The following FHIT variants were observed in gnomAD, a reference collection of about 807,000 sequenced individuals.
FHIT encodes bis(5'-adenosyl)-triphosphatase.
FHIT carries 19 observed loss-of-function variants against 17.9 expected under a neutral mutation model. The ratio of observed to expected loss-of-function variants is 1.06; its 90% CI spans 0.74 to 1.56. The LOEUF is 1.56. Among genes scored for constraint, FHIT ranks in the 40% most tolerant of loss-of-function variants. The pLI, the probability that FHIT is intolerant of heterozygous loss-of-function variation, is 0.00. For missense variants in FHIT, 248 were observed against 189.2 expected (o/e 1.31, Z -1.82); for synonymous variants, 81 against 69.7 (o/e 1.16, Z -0.81).
intron 3 of FHIT, among the ~76,000 whole-genome samples, chr3:60,950,683 ATT>A (rs80205990): frequency 6.9e-6 from 1 of 144,856 alleles, no homozygotes. Context: ...CACCTGGCTA[ATT>A]TTTTTTTTTT....
At chr3:60,730,991 C>T (rs1443806080) in intron 4 of FHIT, among the ~76,000 whole-genome samples, 4 of 148,692 alleles carry the variant, frequency 2.7e-5, no homozygotes, top group Non-Finnish European at 4.4e-5. Context: ...ATTAGCCCAG[C>T]GTGGTGGCAC....
chr3:60,338,877 G>C (rs991971097), intron 5 of FHIT, among the ~76,000 whole-genome samples: 1 of 152,144 alleles, frequency 6.6e-6, no homozygotes. Flanking sequence ...GGAATGGAAA[G>C]AATCAGATGG....
chr3:60,554,520 A>G (rs1386004753), intron 4 of FHIT, among the ~76,000 whole-genome samples: 2 of 152,200 alleles, frequency 1.3e-5, no homozygotes, highest in Non-Finnish European at 2.9e-5. Flanking sequence ...CAACTCAGAA[A>G]TAATGTCAAA....
chr3:60,347,675 T>TGTG (rs1553750547), intron 5 of FHIT, among the ~76,000 whole-genome samples: 1 of 27,706 alleles, frequency 3.6e-5, no homozygotes. Flanking sequence ...ACCACTGGTT[T>TGTG]GGGGGGGGGG....
At chr3:61,240,367 C>T (rs2040345096) in intron 1 of FHIT, among the ~76,000 whole-genome samples, 1 of 152,204 alleles carries the variant, frequency 6.6e-6, no homozygotes, top group Admixed American at 6.5e-5. Flanking sequence ...AGGCACCAGT[C>T]ACATATACTC....
At chr3:60,216,910 C>T (rs1703722461) in intron 5 of FHIT, among the ~76,000 whole-genome samples, 1 of 152,098 alleles carries the variant, frequency 6.6e-6, no homozygotes, top group Non-Finnish European at 1.5e-5. Context: ...GCAGAAACTC[C>T]CTGACATCTG....
intron 2 of FHIT, among the ~76,000 whole-genome samples, chr3:61,060,890 T>C (rs2034404538): frequency 6.6e-6 from 1 of 152,200 alleles, no homozygotes; most frequent in Non-Finnish European, 1.5e-5. Flanking sequence ...CAATTAAGTC[T>C]TAGGATTGGA....
intron 2 of FHIT, among the ~76,000 whole-genome samples, chr3:61,112,706 G>A (rs2036194487): frequency 6.6e-6 from 1 of 152,114 alleles, no homozygotes; most frequent in Non-Finnish European, 1.5e-5. Context: ...GCTATGCATA[G>A]CGCTTTATAT....
At chr3:61,142,915 T>C (rs1258893090) in intron 2 of FHIT, among the ~76,000 whole-genome samples, 1 of 152,170 alleles carries the variant, frequency 6.6e-6, no homozygotes, top group Non-Finnish European at 1.5e-5. Context: ...CTTAAAGCTT[T>C]TTTTCACTAT....
At chr3:60,955,272 TAGAAAC>T (rs781983352) in intron 3 of FHIT, among the ~76,000 whole-genome samples, 1 of 152,062 alleles carries the variant, frequency 6.6e-6, no homozygotes, top group Non-Finnish European at 1.5e-5. Flanking sequence ...GAATAAATCT[TAGAAAC>T]AGAAATCCAA....
chr3:59,925,019 CCT>C (rs1469269650), intron 7 of FHIT, among the ~76,000 whole-genome samples: 2 of 132,182 alleles, frequency 1.5e-5, no homozygotes, highest in East Asian at 8.5e-4. Flanking sequence ...CTTGTTTTTT[CCT>C]CTTTTTTTTC....
At chr3:59,993,877 C>T (rs2107480107) in intron 7 of FHIT, among the ~76,000 whole-genome samples, 1 of 152,096 alleles carries the variant, frequency 6.6e-6, no homozygotes, top group Admixed American at 6.6e-5. Context: ...CCATAGCTAC[C>T]TCACTCAATG....
chr3:60,346,424 C>G (rs931773385), intron 5 of FHIT, among the ~76,000 whole-genome samples: 1 of 152,150 alleles, frequency 6.6e-6, no homozygotes, highest in African/African-American at 2.4e-5. Context: ...CCAAAGCAGA[C>G]TGGAGCCAGA....
chr3:60,553,392 T>C, intron 4 of FHIT: 1 of 979,524 alleles, frequency 1.0e-6, no homozygotes, highest in Middle Eastern at 5.3e-4. Context: ...CTTCTTCCAC[T>C]GATTGATCCG....
chr3:60,421,836 G>C lies in FHIT; in HGVS notation c.103+115024C>G, dbSNP rs530857147. Among the ~76,000 whole-genome samples, 13 of 152,200 alleles carry C rather than the reference G, an allele frequency of 8.5e-5. No homozygotes were observed. In the South Asian group the frequency reaches 2.7e-3, roughly 32 times the overall value. ...GGGAAAATACAGCTTTTGTTGTATA[G>C]AATGTGGTATGTATGTGATGAGTAT... On this transcript the variant is annotated intron_variant, in intron 5 of 9. Transcript: ENST00000492590.
chr3:59,812,557 T>C (rs897192732), intron 8 of FHIT, among the ~76,000 whole-genome samples: 1 of 152,122 alleles, frequency 6.6e-6, no homozygotes, highest in Non-Finnish European at 1.5e-5. Flanking sequence ...TCCTAAATGG[T>C]TTATTACAGA....
intron 5 of FHIT, among the ~76,000 whole-genome samples, chr3:60,227,487 C>T (rs1268984012): frequency 6.6e-6 from 1 of 152,066 alleles, no homozygotes; most frequent in African/African-American, 2.4e-5. Context: ...TTTACATTTC[C>T]CTTGGAATTT....
intron 3 of FHIT, among the ~76,000 whole-genome samples, chr3:60,939,471 A>G (rs1172509458): frequency 6.6e-6 from 1 of 152,184 alleles, no homozygotes; most frequent in African/African-American, 2.4e-5. Flanking sequence ...TTAACTAGAT[A>G]CAGAATCCAG....
At chr3:60,430,115 A>T (rs527465668) in intron 5 of FHIT, among the ~76,000 whole-genome samples, 1 of 152,140 alleles carries the variant, frequency 6.6e-6, no homozygotes, top group East Asian at 2.0e-4. Context: ...TATGGGGCAG[A>T]GCCGTCTTCT....
Sources: gnomAD v4.1 joint callset for allele counts (sites outside exome capture counted in the v4.1 genomes callset) on GRCh38, gnomAD v4.1.1 for gene constraint, MANE v1.5 for transcripts, NCBI Gene and HGNC (gene_info 2026-07-23, HGNC 2026-07-21) for gene names.